PSMA3: variants seen among roughly 807,000 people sequenced by gnomAD.
The protein encoded by PSMA3 is proteasome subunit alpha type-3.
PSMA3 carries 8 observed loss-of-function variants against 40.0 expected under a neutral mutation model. The observed-to-expected ratio is 0.20, with a 90% CI of 0.12 to 0.36. PSMA3 has a LOEUF of 0.36. PSMA3 is among the 10% of genes least tolerant of loss of function. The pLI is 1.00. For missense variants in PSMA3, 219 were observed against 310.6 expected (o/e 0.70, Z 2.22); for synonymous variants, 110 against 100.0 (o/e 1.10, Z -0.59).
intron 8 of PSMA3, 47 bp downstream of exon 8, chr14:58,267,567 C>G: frequency 2.0e-6 from 3 of 1,538,024 alleles, no homozygotes; most frequent in Non-Finnish European, 2.6e-6. Flanking sequence ...TTCATTTGAC[C>G]TTTGCATATA....
At chr14:58,263,858 A>C in intron 7 of PSMA3, 88 bp downstream of exon 7, 1 of 1,211,184 alleles carries the variant, frequency 8.3e-7, no homozygotes, top group Non-Finnish European at 1.2e-6. Context: ...TAAGGCAGGG[A>C]TGTCCAATCA....
chr14:58,246,111 CAG>C (rs1321768203), intron 1 of PSMA3, among the ~76,000 whole-genome samples: 4 of 152,180 alleles, frequency 2.6e-5, no homozygotes, highest in African/African-American at 9.6e-5. Flanking sequence ...GATCAGGAAA[CAG>C]ACTCAGAAAG....
chr14:58,266,390 C>T (rs1311850050), intron 7 of PSMA3: 1 of 152,208 alleles, frequency 6.6e-6, no homozygotes, highest in African/African-American at 2.4e-5. Context: ...CATCCCCCAA[C>T]ATATCCACAG....
intron 6 of PSMA3, 138 bp downstream of exon 6, chr14:58,261,158 A>C: frequency 3.2e-6 from 2 of 619,460 alleles, no homozygotes; most frequent in Non-Finnish European, 2.7e-6. Flanking sequence ...TTTTTTTTAC[A>C]ACAACCTCTT....
chr14:58,268,940 CTTTTT>C (rs200715859), intron 8 of PSMA3: 8 of 147,164 alleles, frequency 5.4e-5, no homozygotes, highest in African/African-American at 2.0e-4. Context: ...TAATTTGATA[CTTTTT>C]TTTTTTTGAG....
intron 3 of PSMA3, among the ~76,000 whole-genome samples, chr14:58,254,801 T>C (rs1327663586): frequency 6.6e-6 from 1 of 152,182 alleles, no homozygotes; most frequent in African/African-American, 2.4e-5. Flanking sequence ...ATGGGTTACC[T>C]TGGGGAAGCT....
At chr14:58,246,717 T>C (rs1889889573) in intron 1 of PSMA3, among the ~76,000 whole-genome samples, 1 of 152,170 alleles carries the variant, frequency 6.6e-6, no homozygotes, top group South Asian at 2.1e-4. Context: ...ATTTTTATTA[T>C]TTTTATATTT....
chr14:58,267,603 G>A lies in PSMA3; in HGVS notation c.590+83G>A, dbSNP rs147904719. 793 of 1,342,396 alleles carry A rather than the reference G, an allele frequency of 5.9e-4. 6 individuals carry two copies. The African/African-American group carries it at 0.011, about 18-fold the overall frequency. 83.2% of individuals were successfully genotyped at this position (1,342,396 alleles called of 1,614,324 possible). The stretch of plus-strand genomic sequence containing the variant: ...TATATTACATTAATCCTAAGAAGCT[G>A]TTTTCCTGTAAAATAACTTAGTGTA... On this transcript the variant is annotated intron_variant, in intron 8 of 10. Transcript: ENST00000216455.
chr14:58,253,398 C>A (rs180935293), intron 3 of PSMA3, among the ~76,000 whole-genome samples: 25 of 152,246 alleles, frequency 1.6e-4, no homozygotes, highest in African/African-American at 6.0e-4. Flanking sequence ...TGAAAAGACA[C>A]CTTATATGAC....
intron 7 of PSMA3, among the ~76,000 whole-genome samples, 156 bp downstream of exon 7, chr14:58,263,926 T>TA (rs113470609): frequency 9.2e-5 from 14 of 151,852 alleles, no homozygotes; most frequent in Middle Eastern, 3.4e-3. Context: ...CTGATGAGCT[T>TA]AAAAAAAAAT....
intron 3 of PSMA3, 112 bp downstream of exon 3, chr14:58,252,354 TTGTCCAGTTCAC>T (rs1434214721): frequency 7.4e-7 from 1 of 1,348,086 alleles, no homozygotes; most frequent in Non-Finnish European, 1.0e-6. Context: ...GTTACTGCAT[TTGTCCAGTTCAC>T]TGTCCAGTAG....
chr14:58,252,414 A>T (rs923184156), intron 3 of PSMA3, among the ~76,000 whole-genome samples, 172 bp downstream of exon 3: 1 of 152,206 alleles, frequency 6.6e-6, no homozygotes, highest in African/African-American at 2.4e-5. Context: ...GTGATGGGGG[A>T]AAAACCAAGT....
intron 3 of PSMA3, among the ~76,000 whole-genome samples, chr14:58,254,395 T>G (rs1890098682): frequency 8.8e-6 from 1 of 113,592 alleles, no homozygotes; most frequent in Admixed American, 9.9e-5. Flanking sequence ...TTGAGTGCAG[T>G]GGCATGATCA....
At chr14:58,245,096 A>G in intron 1 of PSMA3, 155 bp downstream of exon 1, 1 of 893,362 alleles carries the variant, frequency 1.1e-6, no homozygotes, top group Non-Finnish European at 1.8e-6. Flanking sequence ...GGTCGTCTTT[A>G]TCCCCTATAT....
At chr14:58,245,714 T>G (rs991734543) in intron 1 of PSMA3, among the ~76,000 whole-genome samples, 1 of 152,248 alleles carries the variant, frequency 6.6e-6, no homozygotes, top group African/African-American at 2.4e-5. Flanking sequence ...CTTCTCTATA[T>G]AGAAAATACA....
At chr14:58,258,657 G>A (rs1890203160) in intron 5 of PSMA3, among the ~76,000 whole-genome samples, 1 of 151,610 alleles carries the variant, frequency 6.6e-6, no homozygotes, top group Non-Finnish European at 1.5e-5. Context: ...ATTTTATTGT[G>A]GGGTAAAGTG....
At chr14:58,258,387 G>A (rs1890197155) in intron 5 of PSMA3, 1 of 151,326 alleles carries the variant, frequency 6.6e-6, no homozygotes, top group African/African-American at 2.6e-5. Context: ...GGAATGAGCT[G>A]TGGCCATACC....
Position 58,258,003 on chromosome 14 carries a change from G to A in PSMA3, c.404+5G>A, listed in dbSNP as rs748232564. On this transcript the variant is annotated splice_donor_5th_base_variant and intron_variant, in intron 5 of 10. Transcript: ENST00000216455. ...TGTTAGACCTTTTGGCTGCAGGTAA[G>A]AAATTTTGTGAATTATTCAAAAGGC... The A allele has an allele frequency of 1.2e-6, 2 of 1,606,234 alleles. No individual in the cohort carries two copies. The highest frequency in any genetic ancestry group is 2.2e-5 in the South Asian group (2 of 90,910).
At chr14:58,262,565 A>T (rs948098683) in intron 6 of PSMA3, among the ~76,000 whole-genome samples, 29 of 141,514 alleles carry the variant, frequency 2.0e-4, no homozygotes, top group African/African-American at 5.0e-4. Context: ...AATTATTACC[A>T]TTTTTTTTTT....
Sources: gnomAD v4.1 joint callset for allele counts (sites outside exome capture counted in the v4.1 genomes callset) on GRCh38, gnomAD v4.1.1 for gene constraint, MANE v1.5 for transcripts, NCBI Gene and HGNC (gene_info 2026-07-23, HGNC 2026-07-21) for gene names.